The following ACSM3 variants were observed in gnomAD, a reference collection of about 807,000 sequenced individuals.
ACSM3 encodes acyl-coenzyme A synthetase ACSM3, mitochondrial.
A neutral mutation model predicts 74.1 loss-of-function variants in ACSM3; 61 were observed. The ratio of observed to expected loss-of-function variants is 0.82; its 90% CI spans 0.67 to 1.02. The LOEUF (loss-of-function observed/expected upper bound fraction) is 1.02, where lower values mean the gene tolerates loss of function less well. Among genes scored for constraint, ACSM3 ranks in the 50% least tolerant of loss-of-function variants. The pLI, the probability that ACSM3 is intolerant of heterozygous loss-of-function variation, is 0.00. For missense variants in ACSM3, 660 were observed against 697.0 expected (o/e 0.95, Z 0.60); for synonymous variants, 213 against 241.5 (o/e 0.88, Z 1.09).
chr16:20,737,605 T>C (rs2079881615), intron 1 of ACSM3: 2 of 1,184,200 alleles, frequency 1.7e-6, no homozygotes, highest in African/African-American at 3.1e-5. Flanking sequence ...ATATTTGTTC[T>C]ACACTCAAAA....
intron 1 of ACSM3, among the ~76,000 whole-genome samples, chr16:20,767,836 C>G (rs1028131044): frequency 1.4e-4 from 21 of 151,964 alleles, no homozygotes; most frequent in Admixed American, 1.0e-3. Context: ...GCCTTTGAAC[C>G]AAGAATGGTT....
At position 20,797,191 on chromosome 16, in the gene ACSM3, T is replaced by C. The variant is rs2152494251; in HGVS notation, c.*219T>C. 1 of 1,265,814 alleles carries C rather than the reference T, an allele frequency of 7.9e-7. No individual in the cohort carries two copies. Among genetic ancestry groups the C allele is most frequent in the East Asian group, 3.9e-5 (1 of 25,584 alleles). 78.4% of individuals were successfully genotyped at this position (1,265,814 alleles called of 1,614,324 possible). ...TCAATGTTCCTATCATTTCTTAATA[T>C]AAAAATAATACCATCAATTGCTGAT... On this transcript the variant is annotated 3_prime_UTR_variant, in exon 14 of 14. Transcript: ENST00000289416.
intron 3 of ACSM3, among the ~76,000 whole-genome samples, chr16:20,758,071 A>G (rs1212545124): frequency 3.3e-5 from 5 of 152,116 alleles, no homozygotes; most frequent in African/African-American, 4.8e-5. Context: ...ATCAATGTTC[A>G]TCAAGGATAT....
intron 1 of ACSM3, chr16:20,731,568 G>A (rs2079830630): frequency 7.9e-6 from 2 of 251,806 alleles, no homozygotes; most frequent in Admixed American, 5.7e-5. Flanking sequence ...AGCATTGGTT[G>A]CAGATCCTTG....
In ACSM3 at chr16:20,706,593, T is replaced by C. The variant is rs1171407363; in HGVS notation, c.-190+31771T>C. ...AGAGGGTAGACCCACACCCAGGTGG[T>C]AAACTCATTGATGGTGGTCCTAACC... On this transcript the variant is annotated intron_variant, in intron 1 of 3. Transcript: ENST00000561584. Among the ~76,000 whole-genome samples, 23 of 152,328 alleles carry C rather than the reference T, an allele frequency of 1.5e-4. No homozygotes were observed. In the East Asian group the frequency reaches 3.3e-3, roughly 22 times the overall value.
chr16:20,787,080 A>G (rs2080490436), intron 9 of ACSM3, among the ~76,000 whole-genome samples: 1 of 152,218 alleles, frequency 6.6e-6, no homozygotes, highest in African/African-American at 2.4e-5. Flanking sequence ...CAAGCTTTAT[A>G]TAGGGTTAAA....
intron 2 of ACSM3, among the ~76,000 whole-genome samples, chr16:20,774,276 T>C (rs1024586083): frequency 2.2e-5 from 3 of 137,030 alleles, no homozygotes; most frequent in African/African-American, 5.6e-5. Flanking sequence ...AGCGTCTCAC[T>C]CTGTCACCAG....
intron 3 of ACSM3, among the ~76,000 whole-genome samples, chr16:20,777,102 C>A (rs1388751406): frequency 3.3e-5 from 5 of 152,070 alleles, no homozygotes; most frequent in African/African-American, 1.2e-4. Flanking sequence ...CAATCAAAAC[C>A]TTCTTCAAGC....
intron 4 of ACSM3, chr16:20,779,908 G>A (rs58469103): frequency 1.3e-4 from 24 of 183,028 alleles, no homozygotes; most frequent in African/African-American, 5.0e-4. Context: ...GGGATTACAG[G>A]TATGTGCCAC....
intron 1 of ACSM3, chr16:20,733,100 G>C (rs1183774532): frequency 6.6e-6 from 1 of 152,240 alleles, no homozygotes; most frequent in Non-Finnish European, 1.5e-5. Context: ...CCTGGTTTAA[G>C]TTTTTGTTTT....
intron 1 of ACSM3, among the ~76,000 whole-genome samples, chr16:20,740,348 C>T (rs2079906182): frequency 2.6e-5 from 4 of 152,232 alleles, no homozygotes; most frequent in African/African-American, 2.4e-5. Flanking sequence ...TGAGCAAGAG[C>T]ATGCCACTGT....
chr16:20,734,896 C>G (rs1304150414), intron 1 of ACSM3: 1 of 152,178 alleles, frequency 6.6e-6, no homozygotes, highest in Admixed American at 6.5e-5. Context: ...TGAGCAGATT[C>G]AGAGACAAGG....
chr16:20,710,645 G>A (rs556183516), intron 1 of ACSM3, among the ~76,000 whole-genome samples: 10 of 152,106 alleles, frequency 6.6e-5, no homozygotes, highest in South Asian at 2.1e-4. Flanking sequence ...ATGCCCAGCC[G>A]ATAATTTTTT....
At position 20,770,094 on chromosome 16, in the gene ACSM3, A is replaced by G; in HGVS notation, c.60A>G (p.Ala20=). 6.2e-7 allele frequency: 1 copy of G among 1,614,146 alleles called. No individual in the cohort carries two copies. The highest frequency in any genetic ancestry group is 8.5e-7 in the Non-Finnish European group (1 of 1,180,020). ...ATGCCAAGTGTTTTCAGCGCCTAGC[A>G]ATTTTTGGTTCTGTGAGGGCACTGC... ...LRHAKCFQRL[A]IFGSVRALHK... Residue 20 remains alanine (A), a synonymous_variant, in exon 2 of 14, where the codon GCA becomes GCG. Coordinates refer to ENST00000289416, the MANE Select transcript of ACSM3 (RefSeq NM_005622.4).
rs571955000 is a variant in ACSM3 at position 20,714,037 on chromosome 16, T to C, written c.-189-35873T>C. Among the ~76,000 whole-genome samples, 105 of 152,274 alleles carry C rather than the reference T, an allele frequency of 6.9e-4. 1 individual carries two copies. Among genetic ancestry groups the C allele is most frequent in the African/African-American group, 2.4e-3 (98 of 41,578 alleles). The stretch of plus-strand genomic sequence containing the variant: ...TCAAGTGTATACGTTCATGAACACT[T>C]TCCAGAATATTCATAATGGATGAGG... On this transcript the variant is annotated intron_variant, in intron 1 of 3. Transcript: ENST00000561584.
intron 1 of ACSM3, chr16:20,742,015 T>C: frequency 6.8e-7 from 1 of 1,474,310 alleles, no homozygotes; most frequent in Non-Finnish European, 9.0e-7. Flanking sequence ...GTGGTGTCGG[T>C]GGCTCCTCAA....
At chr16:20,705,681 A>T (rs570120788) in intron 1 of ACSM3, among the ~76,000 whole-genome samples, 1 of 152,326 alleles carries the variant, frequency 6.6e-6, no homozygotes, top group East Asian at 1.9e-4. Flanking sequence ...ACAATGTTCA[A>T]TATAAAGTCT....
At chr16:20,783,804 C>T (rs1023489114) in intron 7 of ACSM3, among the ~76,000 whole-genome samples, 2 of 106,760 alleles carry the variant, frequency 1.9e-5, no homozygotes, top group African/African-American at 3.3e-5. Flanking sequence ...TGTGTTCTCC[C>T]CGTCTCAATT....
At position 20,736,553 on chromosome 16, in the gene ACSM3, C is replaced by A. The variant is rs1318030963; in HGVS notation, c.-189-13357C>A. The stretch of plus-strand genomic sequence containing the variant: ...ACTCCTTCCTTAGAATGAAAACTTC[C>A]CTCTGATTTTCTACTTCACAGGTAG... On this transcript the variant is annotated intron_variant, in intron 1 of 3. Transcript: ENST00000561584. 9.3e-5 allele frequency: 22 copies of A among 235,378 alleles called. No individual in the cohort carries two copies. In the South Asian group the frequency reaches 2.5e-3, roughly 27 times the overall value. 14.6% of individuals were successfully genotyped at this position (235,378 alleles called of 1,614,324 possible).
Sources: gnomAD v4.1 joint callset for allele counts (sites outside exome capture counted in the v4.1 genomes callset) on GRCh38, gnomAD v4.1.1 for gene constraint, MANE v1.5 for transcripts, NCBI Gene and HGNC (gene_info 2026-07-23, HGNC 2026-07-21) for gene names.